MTA3: variants seen among roughly 807,000 people sequenced by gnomAD.
MTA3 encodes metastasis associated 1 family member 3.
A neutral mutation model predicts 83.5 loss-of-function variants in MTA3; 34 were observed. The ratio of observed to expected loss-of-function variants is 0.41; its 90% confidence interval spans 0.31 to 0.54. MTA3 has a LOEUF of 0.54. Among genes scored for constraint, MTA3 ranks in the 20% least tolerant of loss-of-function variants. The pLI is 0.33. For synonymous variants in MTA3, 303 were observed against 252.7 expected (o/e 1.20, Z -1.89); for missense variants, 761 against 726.4 (o/e 1.05, Z -0.55).
chr2:42,661,114 A>G (rs531073424), intron 8 of MTA3, among the ~76,000 whole-genome samples: 3 of 152,322 alleles, frequency 2.0e-5, no homozygotes, highest in South Asian at 2.1e-4. Context: ...CTCCATTGGG[A>G]CATTAATATT....
At chr2:42,716,278 T>TG (rs1270130270) in intron 14 of MTA3, among the ~76,000 whole-genome samples, 1 of 152,234 alleles carries the variant, frequency 6.6e-6, no homozygotes, top group Non-Finnish European at 1.5e-5. Flanking sequence ...TCCTGATTGT[T>TG]TTAGGCTCTC....
At chr2:42,598,350 C>T (rs754358343) in intron 3 of MTA3, among the ~76,000 whole-genome samples, 2 of 152,200 alleles carry the variant, frequency 1.3e-5, no homozygotes, top group Admixed American at 6.5e-5. Flanking sequence ...CAGGCGTGAG[C>T]CACCGCGCCT....
intron 4 of MTA3, among the ~76,000 whole-genome samples, chr2:42,627,428 T>G (rs1686212690): frequency 6.6e-6 from 1 of 152,230 alleles, no homozygotes; most frequent in Admixed American, 6.5e-5. Flanking sequence ...TTTAGTAGTA[T>G]TTTAGATAGT....
chr2:42,722,769 C>G, intron 15 of MTA3, 120 bp from the exon 16 acceptor site: 2 of 1,196,426 alleles, frequency 1.7e-6, no homozygotes, highest in Non-Finnish European at 2.3e-6. Context: ...CCTTGGCTGG[C>G]TCAGGAGGAA....
chr2:42,671,590 T>G (rs1049773840), intron 8 of MTA3, among the ~76,000 whole-genome samples: 1 of 152,208 alleles, frequency 6.6e-6, no homozygotes, highest in Admixed American at 6.5e-5. Context: ...TCCCTCTAAT[T>G]ATCACCTTGG....
At chr2:42,709,267 C>A (rs1426983522) in intron 14 of MTA3, 171 bp downstream of exon 14, 2 of 1,387,578 alleles carry the variant, frequency 1.4e-6, no homozygotes, top group African/African-American at 3.9e-5. Flanking sequence ...CCATTTGTAT[C>A]ATGCCAACCT....
chr2:42,601,440 C>T (rs1198728177), intron 3 of MTA3, among the ~76,000 whole-genome samples: 1 of 152,156 alleles, frequency 6.6e-6, no homozygotes, highest in Non-Finnish European at 1.5e-5. Flanking sequence ...AAATACTGCT[C>T]ACAACACTGT....
intron 16 of MTA3, among the ~76,000 whole-genome samples, chr2:42,734,660 G>C (rs1165815177): frequency 6.6e-6 from 1 of 151,430 alleles, no homozygotes; most frequent in Admixed American, 6.6e-5. Flanking sequence ...TAGTGAAATT[G>C]ATTTTCTCTG....
At chr2:42,619,461 A>G (rs141955674) in intron 4 of MTA3, among the ~76,000 whole-genome samples, 3 of 152,364 alleles carry the variant, frequency 2.0e-5, no homozygotes, top group African/African-American at 7.2e-5. Flanking sequence ...TATATTATCC[A>G]GAAACATCAA....
intron 9 of MTA3, among the ~76,000 whole-genome samples, chr2:42,688,047 C>A (rs558481659): frequency 6.6e-6 from 1 of 152,176 alleles, no homozygotes; most frequent in African/African-American, 2.4e-5. Flanking sequence ...AGTTTGAATG[C>A]AAATTGATAC....
chr2:42,515,212 C>T (rs1429356876), intron 2 of MTA3, among the ~76,000 whole-genome samples: 2 of 151,952 alleles, frequency 1.3e-5, no homozygotes, highest in African/African-American at 2.4e-5. Context: ...GTGCCCACCA[C>T]CACACCTGGC....
At chr2:42,530,879 G>C (rs1451831805) in intron 2 of MTA3, among the ~76,000 whole-genome samples, 1 of 152,132 alleles carries the variant, frequency 6.6e-6, no homozygotes, top group African/African-American at 2.4e-5. Context: ...ACCCAGGCTA[G>C]AGTGCAATGG....
At chr2:42,666,259 A>G (rs1467030533) in intron 8 of MTA3, among the ~76,000 whole-genome samples, 1 of 152,228 alleles carries the variant, frequency 6.6e-6, no homozygotes, top group Non-Finnish European at 1.5e-5. Flanking sequence ...CCTGGGTGAC[A>G]GAGCGAGACT....
chr2:42,673,451 A>G (rs551414906), intron 8 of MTA3, among the ~76,000 whole-genome samples: 1 of 152,188 alleles, frequency 6.6e-6, no homozygotes, highest in East Asian at 1.9e-4. Context: ...GATATTTTCA[A>G]CCTATGATGA....
At chr2:42,506,422 C>T (rs1674629213) in intron 2 of MTA3, among the ~76,000 whole-genome samples, 1 of 151,880 alleles carries the variant, frequency 6.6e-6, no homozygotes, top group Admixed American at 6.6e-5. Context: ...CCACTGCACT[C>T]CAGCCTGGGC....
intron 3 of MTA3, among the ~76,000 whole-genome samples, chr2:42,594,801 A>C (rs1681565925): frequency 7.4e-6 from 1 of 135,870 alleles, no homozygotes; most frequent in African/African-American, 2.8e-5. Flanking sequence ...ATCTCAGCTC[A>C]CTGTAAGCTA....
intron 4 of MTA3, among the ~76,000 whole-genome samples, chr2:42,617,715 G>C (rs532860942): frequency 6.6e-6 from 1 of 151,920 alleles, no homozygotes; most frequent in African/African-American, 2.4e-5. Context: ...GGCGGACGTT[G>C]CAGTGAGCTG....
At chr2:42,662,529 A>G (rs1197685378) in intron 8 of MTA3, among the ~76,000 whole-genome samples, 3 of 151,692 alleles carry the variant, frequency 2.0e-5, no homozygotes, top group East Asian at 3.8e-4. Context: ...ATGCCCCTTT[A>G]TCATATTTTA....
In MTA3 at chr2:42,621,151, A is replaced by T. The variant is rs1337967443; in HGVS notation, c.317+11567A>T. Among the ~76,000 whole-genome samples the T allele has an allele frequency of 1.9e-3, 103 of 53,116 alleles. 1 individual carries two copies. Among genetic ancestry groups the T allele is most frequent in the African/African-American group, 8.5e-3 (99 of 11,680 alleles). The allele number at this position is 53,116 out of a possible 152,430, so 34.8% of individuals were successfully genotyped here. On this transcript the variant is annotated intron_variant, in intron 4 of 16. Coordinates refer to ENST00000405094, the MANE Select transcript of MTA3 (RefSeq NM_001330442.2). ...ATTAGAGTTTTTTTTTTTTTTTTTA[A>T]TTGATCATTCTTGGGTGTTTCTCGC... is the stretch of plus-strand genomic sequence containing the variant.
Sources: gnomAD v4.1 joint callset for allele counts (sites outside exome capture counted in the v4.1 genomes callset) on GRCh38, gnomAD v4.1.1 for gene constraint, MANE v1.5 for transcripts, NCBI Gene and HGNC (gene_info 2026-07-23, HGNC 2026-07-21) for gene names.